Variants in GPC6 observed in about 807,000 individuals in gnomAD.
GPC6 encodes glypican 6, also known as glypican-6.
In GPC6, 14 loss-of-function variants were observed where a neutral mutation model predicts 55.2. That is an observed-to-expected ratio of 0.25 (90% CI 0.17 to 0.40). GPC6 has a LOEUF of 0.40. Among genes scored for constraint, GPC6 ranks in the 10% least tolerant of loss-of-function variants. The pLI is 1.00. For missense variants in GPC6, 641 were observed against 708.5 expected (o/e 0.90, Z 1.08); for synonymous variants, 278 against 259.6 (o/e 1.07, Z -0.68).
At chr13:93,555,766 C>T (rs1238125083) in intron 2 of GPC6, among the ~76,000 whole-genome samples, 2 of 152,158 alleles carry the variant, frequency 1.3e-5, no homozygotes, top group Admixed American at 6.5e-5. Flanking sequence ...CCATGAATTT[C>T]CTGGAGAATC....
At chr13:93,562,989 T>A (rs1425060730) in intron 2 of GPC6, among the ~76,000 whole-genome samples, 1 of 152,190 alleles carries the variant, frequency 6.6e-6, no homozygotes, top group Non-Finnish European at 1.5e-5. Context: ...ACAAATCTAA[T>A]TACCTTGGAA....
chr13:93,556,899 G>A (rs1411107062), intron 2 of GPC6, among the ~76,000 whole-genome samples: 1 of 152,052 alleles, frequency 6.6e-6, no homozygotes, highest in Non-Finnish European at 1.5e-5. Flanking sequence ...TCTTTTTGTG[G>A]CTGAATAGTA....
chr13:94,100,196 A>G (rs1885805915), intron 4 of GPC6, among the ~76,000 whole-genome samples: 1 of 152,224 alleles, frequency 6.6e-6, no homozygotes, highest in Non-Finnish European at 1.5e-5. Flanking sequence ...TAAGCTGCCC[A>G]AAGTCACAGA....
At position 93,999,700 on chromosome 13, in the gene GPC6, T is replaced by G. The variant is rs144715693; in HGVS notation, c.712-28029T>G. Among the ~76,000 whole-genome samples, 742 of 152,236 alleles carry G rather than the reference T, an allele frequency of 4.9e-3. 7 individuals carry two copies. The highest frequency in any genetic ancestry group is 0.017 in the African/African-American group (720 of 41,544). On this transcript the variant is annotated intron_variant, in intron 3 of 8. Transcript: ENST00000377047. ...TTCATCAGTTGATGGACACTTAGGT[T>G]GATTTCATATCTTGGCTATTGCAAA...
intron 1 of GPC6, among the ~76,000 whole-genome samples, chr13:93,252,451 A>G (rs7318204): frequency 1.3e-5 from 2 of 152,166 alleles, no homozygotes; most frequent in Non-Finnish European, 2.9e-5. Context: ...GACAATGCTG[A>G]TGTCTTCCCT....
intron 1 of GPC6, among the ~76,000 whole-genome samples, chr13:93,281,441 GT>G (rs760507727): frequency 2.0e-5 from 3 of 152,176 alleles, no homozygotes; most frequent in Non-Finnish European, 4.4e-5. Flanking sequence ...ATTAAAATAT[GT>G]AAGAAACCCA....
intron 1 of GPC6, among the ~76,000 whole-genome samples, chr13:93,523,184 C>T (rs1373959433): frequency 2.3e-5 from 3 of 132,100 alleles, no homozygotes; most frequent in South Asian, 2.5e-4. Flanking sequence ...CATACATATA[C>T]ACATATATGG....
At chr13:93,627,747 A>G (rs1566457194) in intron 2 of GPC6, among the ~76,000 whole-genome samples, 2 of 152,062 alleles carry the variant, frequency 1.3e-5, no homozygotes, top group Admixed American at 1.3e-4. Context: ...TCTAGCTCCA[A>G]TTTTCCCATA....
At chr13:93,745,476 C>G (rs924896994) in intron 2 of GPC6, among the ~76,000 whole-genome samples, 1 of 152,158 alleles carries the variant, frequency 6.6e-6, no homozygotes, top group Non-Finnish European at 1.5e-5. Flanking sequence ...CACACTAGGT[C>G]TTTACCTTGC....
At chr13:93,535,595 C>A (rs750284559) in intron 1 of GPC6, among the ~76,000 whole-genome samples, 1 of 150,848 alleles carries the variant, frequency 6.6e-6, no homozygotes, top group Non-Finnish European at 1.5e-5. Flanking sequence ...AAGAGTCTTA[C>A]GATATGTTTT....
intron 7 of GPC6, among the ~76,000 whole-genome samples, chr13:94,390,520 C>G (rs7986661): frequency 0.59 from 90,255 of 151,958 alleles, 27,342 homozygotes; most frequent in African/African-American, 0.71. Context: ...GCAGACATGT[C>G]TTACATGGCT....
intron 1 of GPC6, among the ~76,000 whole-genome samples, chr13:93,380,363 A>C (rs1875107427): frequency 6.6e-6 from 1 of 152,174 alleles, no homozygotes. Flanking sequence ...AATTCCGAAT[A>C]GACTGATATT....
intron 5 of GPC6, among the ~76,000 whole-genome samples, chr13:94,291,304 A>G (rs1009713371): frequency 2.0e-5 from 3 of 152,214 alleles, no homozygotes; most frequent in Non-Finnish European, 4.4e-5. Flanking sequence ...GAAACAAAAT[A>G]GTGTGTCTGG....
chr13:93,661,254 C>T (rs1244970805), intron 2 of GPC6, among the ~76,000 whole-genome samples: 1 of 152,028 alleles, frequency 6.6e-6, no homozygotes, highest in African/African-American at 2.4e-5. Context: ...CACTCTGTCA[C>T]CCAGGCTGGA....
At chr13:93,852,925 A>G (rs1396000830) in intron 3 of GPC6, among the ~76,000 whole-genome samples, 1 of 151,660 alleles carries the variant, frequency 6.6e-6, no homozygotes, top group Non-Finnish European at 1.5e-5. Flanking sequence ...TATGTTCCTC[A>G]TCTTAGTATT....
At chr13:93,359,762 G>A (rs1166055772) in intron 1 of GPC6, among the ~76,000 whole-genome samples, 1 of 152,156 alleles carries the variant, frequency 6.6e-6, no homozygotes, top group African/African-American at 2.4e-5. Context: ...TTTACCTGGA[G>A]GAAGGCAAGG....
At chr13:93,997,306 T>G (rs1881599277) in intron 3 of GPC6, among the ~76,000 whole-genome samples, 1 of 152,144 alleles carries the variant, frequency 6.6e-6, no homozygotes, top group African/African-American at 2.4e-5. Context: ...CTCTCCTATT[T>G]TATGTATTAA....
At chr13:94,131,915 T>A (rs954358953) in intron 4 of GPC6, among the ~76,000 whole-genome samples, 1 of 152,194 alleles carries the variant, frequency 6.6e-6, no homozygotes, top group Non-Finnish European at 1.5e-5. Flanking sequence ...AAGGATTTCA[T>A]AGTCAAATAG....
At chr13:93,773,632 T>C (rs1885371308) in intron 2 of GPC6, among the ~76,000 whole-genome samples, 1 of 152,142 alleles carries the variant, frequency 6.6e-6, no homozygotes, top group Admixed American at 6.6e-5. Flanking sequence ...GAGCCCATGG[T>C]TTTCTCACCT....
Sources: allele counts gnomAD v4.1 joint callset (sites outside exome capture counted in the v4.1 genomes callset), GRCh38; gene constraint gnomAD v4.1.1; transcripts MANE v1.5; gene names NCBI Gene and HGNC (gene_info 2026-07-23, HGNC 2026-07-21).